Variants in TMEM154 observed in about 807,000 individuals in gnomAD.
TMEM154 encodes the protein transmembrane protein 154.
Under a neutral mutation model 24.5 loss-of-function variants are expected in TMEM154, and 27 were observed. That is an observed-to-expected ratio of 1.10 (90% CI 0.81 to 1.52). The LOEUF (loss-of-function observed/expected upper bound fraction) is 1.52. TMEM154 is among the 40% of genes most tolerant of loss of function. TMEM154 has a pLI of 0.00. For synonymous variants in TMEM154, 67 were observed against 76.8 expected (o/e 0.87, Z 0.67); for missense variants, 228 against 213.4 (o/e 1.07, Z -0.43).
At chr4:152,665,562 G>T (rs1728702526) in intron 1 of TMEM154, among the ~76,000 whole-genome samples, 1 of 152,180 alleles carries the variant, frequency 6.6e-6, no homozygotes, top group African/African-American at 2.4e-5. Flanking sequence ...TCCTGAATAA[G>T]CCTGAATTAG....
intron 1 of TMEM154, among the ~76,000 whole-genome samples, chr4:152,660,274 G>C (rs1028575882): frequency 3.3e-5 from 5 of 152,086 alleles, no homozygotes; most frequent in African/African-American, 1.2e-4. Flanking sequence ...GGTATGATGA[G>C]GTTGGGTGTG....
At chr4:152,679,721 A>G (rs1460460304) in intron 1 of TMEM154, 149 bp downstream of exon 1, 2 of 1,190,014 alleles carry the variant, frequency 1.7e-6, no homozygotes, top group African/African-American at 3.0e-5. Flanking sequence ...CCACCCCCCA[A>G]AAAAAGGAGT....
At chr4:152,636,205 T>C (rs1055222367) in intron 6 of TMEM154, among the ~76,000 whole-genome samples, 5 of 152,164 alleles carry the variant, frequency 3.3e-5, no homozygotes, top group African/African-American at 1.2e-4. Flanking sequence ...AAAACAATAA[T>C]AAAACCAACC....
In TMEM154 at chr4:152,619,103, A is replaced by G. The variant is rs1751807342; in HGVS notation, c.*9443T>C. 6.6e-6 allele frequency: 1 copy of G among 152,220 alleles called. No homozygotes were observed. The highest frequency in any genetic ancestry group is 6.5e-5 in the Admixed American group (1 of 15,276). The allele number at this position is 152,220 out of a possible 1,614,324, so 9.4% of individuals were successfully genotyped here. On this transcript the variant is annotated 3_prime_UTR_variant, in exon 7 of 7. Transcript: ENST00000304385. Reference sequence around the variant, plus strand: ...TGAGTAAGACTGATCCCTATCCTCAAGGTGCTCAGTCTAATCTGCTCCCAT... The same window carrying G: ...TGAGTAAGACTGATCCCTATCCTCAGGGTGCTCAGTCTAATCTGCTCCCAT...
chr4:152,652,810 T>A lies in TMEM154; in HGVS notation c.182A>T (p.Asn61Ile). The change falls in exon 2 of 7, where the codon AAT becomes ATT. Residue 61 changes from asparagine (N) to isoleucine (I), a missense_variant. By Grantham distance (149) the Asn-to-Ile change is moderately radical (BLOSUM62 -3). Coordinates refer to ENST00000304385, the MANE Select transcript of TMEM154 (RefSeq NM_152680.3). ...CGGAGCAAAGTTGGTAGAATTTATA[T>A]TTGCATTTAATGTTTCTTTGATGGT... The part of the protein sequence containing the change: ...AVTIKETLNA[N>I]INSTNFAPDE... 1 of 1,614,104 alleles carries A rather than the reference T, an allele frequency of 6.2e-7. No individual in the cohort carries two copies. Among genetic ancestry groups the A allele is most frequent in the Non-Finnish European group, 8.5e-7 (1 of 1,179,996 alleles).
chr4:152,628,402 G>A lies in TMEM154; in HGVS notation c.*144C>T. 1 of 1,312,520 alleles carries A rather than the reference G, an allele frequency of 7.6e-7. No individual in the cohort carries two copies. Among genetic ancestry groups the A allele is most frequent in the Non-Finnish European group, 1.1e-6 (1 of 923,010 alleles). The allele number at this position is 1,312,520 out of a possible 1,614,324, so 81.3% of individuals were successfully genotyped here. A position where few individuals can be genotyped will look rare whatever the true frequency, so the allele number is the denominator to read the frequency against. ...AGTGATGCCATCATTAGGAAGAGTG[G>A]GCGTTGGAAGAAACAGCAAAAGGTT... is the stretch of plus-strand genomic sequence containing the variant. On this transcript the variant is annotated 3_prime_UTR_variant, in exon 7 of 7. Coordinates refer to ENST00000304385, the MANE Select transcript of TMEM154 (RefSeq NM_152680.3).
Position 152,640,990 on chromosome 4 carries a change from G to A in TMEM154, c.479-5C>T, listed in dbSNP as rs926874055. 7 of 1,608,150 alleles carry A rather than the reference G, an allele frequency of 4.4e-6. No individual in the cohort carries two copies. In the Admixed American group the frequency reaches 6.8e-5, roughly 16 times the overall value. ...TAGGTAAACATTCAAAGTCGGCTAGGACAGAATAAAAGCAAACTCATTGTT... is the reference window on the plus strand; with the variant it reads ...TAGGTAAACATTCAAAGTCGGCTAGAACAGAATAAAAGCAAACTCATTGTT... On this transcript the variant is annotated splice_polypyrimidine_tract_variant and splice_region_variant and intron_variant, in intron 5 of 6. Transcript: ENST00000304385.
At chr4:152,634,639 C>T (rs533153395) in intron 6 of TMEM154, among the ~76,000 whole-genome samples, 8 of 152,192 alleles carry the variant, frequency 5.3e-5, no homozygotes, top group South Asian at 2.1e-4. Flanking sequence ...AGTACATCTT[C>T]TCTCATCCAA....
chr4:152,659,405 G>C (rs762235058), intron 1 of TMEM154, among the ~76,000 whole-genome samples: 4 of 152,132 alleles, frequency 2.6e-5, no homozygotes, highest in Non-Finnish European at 5.9e-5. Flanking sequence ...GTTGGTTAAT[G>C]GGTAGAAACA....
intron 1 of TMEM154, among the ~76,000 whole-genome samples, chr4:152,675,070 CG>C (rs1728923723): frequency 6.9e-6 from 1 of 144,108 alleles, no homozygotes; most frequent in Non-Finnish European, 1.5e-5. Flanking sequence ...GCAGGAGAAT[CG>C]GCTTGAACCC....
At position 152,651,012 on chromosome 4, in the gene TMEM154, A is replaced by G. The variant is rs150067314; in HGVS notation, c.364+1526T>C. 3.9e-5 allele frequency among the ~76,000 whole-genome samples: 6 copies of G among 152,328 alleles called. No individual in the cohort carries two copies. The East Asian group carries it at 1.2e-3, about 29-fold the overall frequency. On this transcript the variant is annotated intron_variant, in intron 3 of 6. Transcript: ENST00000304385. ...GTTGTTCCACTTACAGAGCACAGGC[A>G]GAGTAGATTTAGCATAATTCTTAAG... is the stretch of plus-strand genomic sequence containing the variant.
intron 1 of TMEM154, among the ~76,000 whole-genome samples, chr4:152,665,670 C>T (rs557515489): frequency 1.6e-4 from 24 of 152,152 alleles, no homozygotes; most frequent in African/African-American, 3.6e-4. Flanking sequence ...TTTAAGACAG[C>T]GGTCCTCAAA....
intron 1 of TMEM154, among the ~76,000 whole-genome samples, chr4:152,660,816 G>A (rs55834581): frequency 0.17 from 26,396 of 152,110 alleles, 2,787 homozygotes; most frequent in Non-Finnish European, 0.23. Flanking sequence ...CAGAAACCTC[G>A]GCTTTACTGG....
chr4:152,647,386 T>C (rs1240928144), intron 3 of TMEM154: 1 of 960,890 alleles, frequency 1.0e-6, no homozygotes, highest in Non-Finnish European at 1.2e-6. Context: ...CTTTTAGCAT[T>C]CAGTTTTTCT....
At position 152,619,965 on chromosome 4, in the gene TMEM154, T is replaced by C. The variant is rs1751819621; in HGVS notation, c.*8581A>G. 6.6e-6 allele frequency: 1 copy of C among 152,192 alleles called. No homozygotes were observed. The highest frequency in any genetic ancestry group is 6.5e-5 in the Admixed American group (1 of 15,274). The allele number at this position is 152,192 out of a possible 1,614,324, so 9.4% of individuals were successfully genotyped here. The stretch of plus-strand genomic sequence containing the variant: ...CTGCTGAAACACCCATCCAATCAGG[T>C]TTTCTCTCTTGGGAAGTGTGAACAC... On this transcript the variant is annotated 3_prime_UTR_variant, in exon 7 of 7. Coordinates refer to ENST00000304385, the MANE Select transcript of TMEM154 (RefSeq NM_152680.3).
In TMEM154 at chr4:152,650,652, G is replaced by C. The variant is rs540075297; in HGVS notation, c.364+1886C>G. 3.3e-5 allele frequency among the ~76,000 whole-genome samples: 5 copies of C among 152,258 alleles called. No individual in the cohort carries two copies. In the East Asian group the frequency reaches 7.7e-4, roughly 24 times the overall value. On this transcript the variant is annotated intron_variant, in intron 3 of 6. Coordinates refer to ENST00000304385, the MANE Select transcript of TMEM154 (RefSeq NM_152680.3). ...AAATGTTCTTAATGGCATCTAGAAT[G>C]GTGAATTCTTCCCAGAAGATTCCTT...
intron 6 of TMEM154, among the ~76,000 whole-genome samples, chr4:152,633,141 G>A (rs1306590039): frequency 1.3e-5 from 2 of 152,274 alleles, no homozygotes; most frequent in East Asian, 3.9e-4. Context: ...GCTCACTGTG[G>A]GACACTGTCC....
rs533124311 is a variant in TMEM154 at position 152,623,968 on chromosome 4, A to G, written c.*4578T>C. 6.6e-6 allele frequency: 1 copy of G among 152,054 alleles called. No individual in the cohort carries two copies. The highest frequency in any genetic ancestry group is 1.5e-5 in the Non-Finnish European group (1 of 68,026). The allele number at this position is 152,054 out of a possible 1,614,324, so 9.4% of individuals were successfully genotyped here. A position where few individuals can be genotyped will look rare whatever the true frequency, so the allele number is the denominator to read the frequency against. ...ACTTATTTACAAAATACTAAAGGCC[A>G]ATGATAAGGTGATATGAACTGAGGA... On this transcript the variant is annotated 3_prime_UTR_variant, in exon 7 of 7. Coordinates refer to ENST00000304385, the MANE Select transcript of TMEM154 (RefSeq NM_152680.3).
Position 152,652,876 on chromosome 4 carries a change from C to T in TMEM154, c.116G>A (p.Arg39Lys). The change falls in exon 2 of 7, where the codon AGA becomes AAA. Residue 39 changes from arginine (R) to lysine (K), a missense_variant. Arg to Lys is a conservative substitution (Grantham distance 26). Coordinates refer to ENST00000304385, the MANE Select transcript of TMEM154 (RefSeq NM_152680.3). ...GCTTGGAATAGTCACTTTATTTGGT[C>T]TTTCAGATTCCACAGTTGTATCTCC... ...NSGDTTVESE[R>K]PNKVTIPSTF... 1 of 1,613,616 alleles carries T rather than the reference C, an allele frequency of 6.2e-7. No individual in the cohort carries two copies. Among genetic ancestry groups the T allele is most frequent in the Non-Finnish European group, 8.5e-7 (1 of 1,179,792 alleles).
Sources: gnomAD v4.1 joint callset for allele counts (sites outside exome capture counted in the v4.1 genomes callset) on GRCh38, gnomAD v4.1.1 for gene constraint, MANE v1.5 for transcripts, NCBI Gene and HGNC (gene_info 2026-07-23, HGNC 2026-07-21) for gene names.